The following ROBO2 variants were observed in gnomAD, a reference collection of about 807,000 sequenced individuals.
ROBO2 encodes the protein roundabout guidance receptor 2, also known as roundabout homolog 2.
Under a neutral mutation model 160.8 loss-of-function variants are expected in ROBO2, and 53 were observed. The observed-to-expected ratio is 0.33, with a 90% CI of 0.26 to 0.41. The LOEUF (loss-of-function observed/expected upper bound fraction) is 0.41, where lower values mean the gene tolerates loss of function less well. Among genes scored for constraint, ROBO2 ranks in the 10% least tolerant of loss-of-function variants. The pLI, the probability that ROBO2 is intolerant of heterozygous loss-of-function variation, is 1.00. For missense variants in ROBO2, 1,577 were observed against 1,722.4 expected (o/e 0.92, Z 1.49); for synonymous variants, 664 against 611.7 (o/e 1.09, Z -1.26).
chr3:76,853,498 A>G (rs1173663490), intron 2 of ROBO2, among the ~76,000 whole-genome samples: 2 of 152,162 alleles, frequency 1.3e-5, no homozygotes, highest in Non-Finnish European at 2.9e-5. Flanking sequence ...GGATCCATGG[A>G]TAGCCTTAGA....
chr3:76,648,480 T>C (rs559548999), intron 2 of ROBO2, among the ~76,000 whole-genome samples: 2 of 152,138 alleles, frequency 1.3e-5, no homozygotes, highest in Non-Finnish European at 2.9e-5. Flanking sequence ...GCTACTACAA[T>C]GATTATCTAG....
At chr3:76,632,703 G>A (rs142441703) in intron 2 of ROBO2, among the ~76,000 whole-genome samples, 2 of 152,196 alleles carry the variant, frequency 1.3e-5, no homozygotes, top group African/African-American at 4.8e-5. Context: ...AATCACAAGG[G>A]TAGATTTCTC....
chr3:77,474,571 T>C (rs1207083158), intron 2 of ROBO2, among the ~76,000 whole-genome samples: 2 of 152,114 alleles, frequency 1.3e-5, no homozygotes, highest in African/African-American at 4.8e-5. Context: ...CACACTGTGG[T>C]ATGTGCTCTT....
At chr3:76,044,040 A>G (rs2067369309) in intron 2 of ROBO2, among the ~76,000 whole-genome samples, 1 of 152,156 alleles carries the variant, frequency 6.6e-6, no homozygotes, top group East Asian at 1.9e-4. Flanking sequence ...TTTGTAAGTG[A>G]CCATTGTATA....
chr3:76,855,469 C>G (rs183737836), intron 2 of ROBO2, among the ~76,000 whole-genome samples: 8 of 152,242 alleles, frequency 5.3e-5, no homozygotes, highest in Admixed American at 4.6e-4. Context: ...TTGCAATCTG[C>G]GTGTATAAAA....
intron 2 of ROBO2, among the ~76,000 whole-genome samples, chr3:76,503,992 A>G (rs2080628444): frequency 6.6e-6 from 1 of 152,212 alleles, no homozygotes. Context: ...TTAAGCTCAG[A>G]TTTGCTCTTT....
chr3:77,138,177 C>T (rs1027984125), intron 2 of ROBO2, among the ~76,000 whole-genome samples: 2 of 152,176 alleles, frequency 1.3e-5, no homozygotes, highest in African/African-American at 4.8e-5. Flanking sequence ...ATTTTAGTTT[C>T]TCACTAGTTT....
In ROBO2 at chr3:76,844,833, T is replaced by C. The variant is rs568963688; in HGVS notation, c.110-253181T>C. On this transcript the variant is annotated intron_variant, in intron 2 of 26. Coordinates refer to the ROBO2 transcript ENST00000487694. ...TCTTTATAAAATTGCAAAATAAAGATGCATTTACTACATATGAAAAATCAA... is the reference window on the plus strand; with the variant it reads ...TCTTTATAAAATTGCAAAATAAAGACGCATTTACTACATATGAAAAATCAA... Among the ~76,000 whole-genome samples, 54 of 152,066 alleles carry C rather than the reference T, an allele frequency of 3.6e-4. No individual in the cohort carries two copies. In the South Asian group the frequency reaches 0.011, roughly 31 times the overall value.
intron 1 of ROBO2, among the ~76,000 whole-genome samples, chr3:77,083,652 A>G (rs1031677487): frequency 1.3e-5 from 2 of 152,174 alleles, no homozygotes; most frequent in Non-Finnish European, 2.9e-5. Context: ...TCCAGACACA[A>G]ACCTGGAGAA....
At chr3:77,493,491 T>C in intron 5 of ROBO2, 109 bp downstream of exon 5, 2 of 1,237,702 alleles carry the variant, frequency 1.6e-6, no homozygotes, top group Non-Finnish European at 2.3e-6. Flanking sequence ...TGGGGTACTT[T>C]CACTCATGTG....
intron 24 of ROBO2, 112 bp downstream of exon 25, chr3:77,635,155 A>C: frequency 8.3e-7 from 1 of 1,201,882 alleles, no homozygotes; most frequent in Non-Finnish European, 1.2e-6. Context: ...ATTACATAAC[A>C]AGACAAAAAC....
intron 2 of ROBO2, among the ~76,000 whole-genome samples, chr3:76,136,717 G>GA (rs955805107): frequency 4.0e-5 from 6 of 151,170 alleles, no homozygotes; most frequent in Non-Finnish European, 7.4e-5. Context: ...GAGTGGTTGA[G>GA]AAAAAAAAGA....
chr3:77,491,285 C>T (rs1412149073), intron 4 of ROBO2, among the ~76,000 whole-genome samples: 1 of 152,136 alleles, frequency 6.6e-6, no homozygotes, highest in Non-Finnish European at 1.5e-5. Flanking sequence ...GCTACTCCCA[C>T]TAAAATCAAA....
At chr3:76,148,761 C>T (rs1388447371) in intron 2 of ROBO2, among the ~76,000 whole-genome samples, 2 of 152,032 alleles carry the variant, frequency 1.3e-5, no homozygotes, top group Admixed American at 6.6e-5. Flanking sequence ...ATTTTCTTTC[C>T]TGTCCTCCTA....
chr3:77,569,049 CTTCTTCAG>C (rs1410828247), intron 13 of ROBO2, among the ~76,000 whole-genome samples: 2 of 151,902 alleles, frequency 1.3e-5, no homozygotes, highest in Non-Finnish European at 2.9e-5. Flanking sequence ...CTGTTTATTC[CTTCTTCAG>C]TTGATGGATG....
At chr3:76,610,675 C>T (rs899245013) in intron 2 of ROBO2, among the ~76,000 whole-genome samples, 4 of 552 alleles carry the variant, frequency 7.2e-3, no homozygotes, top group Non-Finnish European at 0.013. Context: ...TCTCACTGCG[C>T]GTCCTGTGTG....
chr3:77,429,045 A>G (rs2078504990), intron 2 of ROBO2, among the ~76,000 whole-genome samples: 1 of 152,198 alleles, frequency 6.6e-6, no homozygotes, highest in East Asian at 1.9e-4. Flanking sequence ...CAATTACTGT[A>G]TATACACTAG....
chr3:76,858,277 C>T (rs1287135825), intron 2 of ROBO2, among the ~76,000 whole-genome samples: 1 of 152,096 alleles, frequency 6.6e-6, no homozygotes, highest in Non-Finnish European at 1.5e-5. Flanking sequence ...CAGTAAATAG[C>T]TTTGTTTTTT....
At chr3:77,196,325 CTT>C (rs57448784) in intron 2 of ROBO2, among the ~76,000 whole-genome samples, 73 of 141,676 alleles carry the variant, frequency 5.2e-4, no homozygotes, top group East Asian at 8.4e-4. Context: ...AAATACCCTG[CTT>C]TTTTTTTTTT....
Sources: allele counts gnomAD v4.1 joint callset (sites outside exome capture counted in the v4.1 genomes callset), GRCh38; gene constraint gnomAD v4.1.1; transcripts MANE v1.5; gene names NCBI Gene and HGNC (gene_info 2026-07-23, HGNC 2026-07-21).